The following RGS7 variants were observed in gnomAD, a reference collection of about 807,000 sequenced individuals.
RGS7 encodes the protein regulator of G-protein signaling 7.
Under a neutral mutation model 81.1 loss-of-function variants are expected in RGS7, and 27 were observed. The observed-to-expected ratio is 0.33, with a 90% CI of 0.25 to 0.46. The LOEUF (loss-of-function observed/expected upper bound fraction) is 0.46. Ranked by LOEUF, RGS7 falls within the 20% of genes least tolerant of loss-of-function variation. The pLI is 1.00. For missense variants in RGS7, 396 were observed against 607.4 expected (o/e 0.65, Z 3.66); for synonymous variants, 208 against 207.7 (o/e 1.00, Z -0.01).
At position 240,917,699 on chromosome 1, in the gene RGS7, A is replaced by G. The variant is rs1253988251; in HGVS notation, c.385+13018T>C. Among the ~76,000 whole-genome samples, 4 of 152,324 alleles carry G rather than the reference A, an allele frequency of 2.6e-5. No homozygotes were observed. The East Asian group carries it at 7.7e-4, about 29-fold the overall frequency. ...AGAGAAGGCAGAAAGAGACAGGAAG[A>G]CAAAAGGAAACTAATATAAAACAGT... On this transcript the variant is annotated intron_variant, in intron 6 of 18. Transcript: ENST00000440928.
At chr1:241,137,757 G>A (rs1345900830) in intron 2 of RGS7, among the ~76,000 whole-genome samples, 1 of 152,182 alleles carries the variant, frequency 6.6e-6, no homozygotes, top group Non-Finnish European at 1.5e-5. Context: ...AAAGCAACTG[G>A]CAAATACTAC....
intron 13 of RGS7, among the ~76,000 whole-genome samples, 161 bp from the exon 14 acceptor site, chr1:240,812,204 G>A (rs79567266): frequency 5.1e-4 from 78 of 151,976 alleles, no homozygotes; most frequent in East Asian, 3.3e-3. Flanking sequence ...TGAAATCATC[G>A]TGTACATTAG....
intron 4 of RGS7, among the ~76,000 whole-genome samples, chr1:240,975,412 C>CAAA (rs1354397691): frequency 2.0e-5 from 3 of 151,804 alleles, no homozygotes; most frequent in Non-Finnish European, 4.4e-5. Flanking sequence ...AACAAACAAA[C>CAAA]AAACAAACAA....
intron 2 of RGS7, among the ~76,000 whole-genome samples, chr1:241,106,716 CAAAAA>C (rs757488665): frequency 5.9e-5 from 2 of 34,048 alleles, no homozygotes; most frequent in South Asian, 1.1e-3. Context: ...ACTCCGTCTC[CAAAAA>C]AAAAAAAAAA....
chr1:240,812,761 A>G (rs1202591445), intron 13 of RGS7, among the ~76,000 whole-genome samples: 2 of 152,118 alleles, frequency 1.3e-5, no homozygotes, highest in African/African-American at 2.4e-5. Flanking sequence ...TACGCCACAC[A>G]GGGTCATGCA....
intron 3 of RGS7, chr1:240,998,610 A>G (rs1016566264): frequency 8.1e-6 from 7 of 868,302 alleles, no homozygotes; most frequent in African/African-American, 3.3e-5. Context: ...CAGCCCCTAC[A>G]TTGCAGAGGA....
intron 2 of RGS7, among the ~76,000 whole-genome samples, chr1:241,206,361 A>G (rs1327019173): frequency 6.6e-6 from 1 of 150,526 alleles, no homozygotes; most frequent in African/African-American, 2.5e-5. Context: ...AGTAGCTGGG[A>G]TTACAGGTGC....
intron 2 of RGS7, among the ~76,000 whole-genome samples, chr1:241,170,711 G>A (rs749504298): frequency 1.3e-4 from 20 of 152,182 alleles, no homozygotes; most frequent in Non-Finnish European, 2.4e-4. Flanking sequence ...AGTGCGGAAA[G>A]TGACTTGCTG....
chr1:240,938,167 T>C (rs2148382850), intron 4 of RGS7, among the ~76,000 whole-genome samples: 1 of 152,316 alleles, frequency 6.6e-6, no homozygotes, highest in Middle Eastern at 3.4e-3. Context: ...ACATCAAGGA[T>C]GCTCAAGTTC....
At chr1:240,929,685 C>T (rs550711444) in intron 6 of RGS7, among the ~76,000 whole-genome samples, 1 of 152,290 alleles carries the variant, frequency 6.6e-6, no homozygotes, top group Admixed American at 6.5e-5. Flanking sequence ...AAGCTTCTCA[C>T]TGCCTTTGTA....
intron 2 of RGS7, among the ~76,000 whole-genome samples, chr1:241,203,749 A>G (rs147616153): frequency 1.8e-4 from 27 of 152,306 alleles, no homozygotes; most frequent in African/African-American, 5.5e-4. Context: ...CCACAACTCA[A>G]TTTTTAAAAA....
chr1:241,311,595 A>C (rs1242223893), intron 2 of RGS7, among the ~76,000 whole-genome samples: 1 of 152,176 alleles, frequency 6.6e-6, no homozygotes, highest in East Asian at 1.9e-4. Context: ...CTGAACTGTG[A>C]GGTAGCTGGT....
At chr1:241,259,685 T>TATATATATATATATATATATATATAA (rs1302382859) in intron 2 of RGS7, among the ~76,000 whole-genome samples, 1 of 100,792 alleles carries the variant, frequency 9.9e-6, no homozygotes, top group African/African-American at 3.6e-5. Context: ...TATATATATA[T>TATATATATATATATATATATATATAA]AATTAAAATA....
intron 2 of RGS7, among the ~76,000 whole-genome samples, chr1:241,327,164 A>AC (rs1410313963): frequency 2.1e-5 from 3 of 145,290 alleles, no homozygotes; most frequent in Admixed American, 2.0e-4. Context: ...AGAAAGAAAG[A>AC]AACACACAGA....
chr1:241,199,401 T>C (rs1915875), intron 2 of RGS7, among the ~76,000 whole-genome samples: 35,019 of 151,500 alleles, frequency 0.23, 6,121 homozygotes, highest in African/African-American at 0.49. Flanking sequence ...TCCAGCCTGG[T>C]GACAGAGTGA....
intron 4 of RGS7, among the ~76,000 whole-genome samples, chr1:240,970,039 T>C (rs1682952503): frequency 6.6e-6 from 1 of 152,258 alleles, no homozygotes; most frequent in African/African-American, 2.4e-5. Flanking sequence ...GTTCAGCACA[T>C]AGTTGATGCT....
At chr1:241,001,597 T>G (rs1688148272) in intron 3 of RGS7, among the ~76,000 whole-genome samples, 1 of 152,102 alleles carries the variant, frequency 6.6e-6, no homozygotes, top group South Asian at 2.1e-4. Context: ...AAAACATCAT[T>G]GAGTTCTAAA....
chr1:240,868,867 C>A lies in RGS7; in HGVS notation c.451-15G>T, dbSNP rs1423970460. Reference sequence around the variant, plus strand: ...GCCAGGCTCTCCTGAAAAACATACCCCAGGTGAAGACATTTGGTGTTCATT... The same window carrying A: ...GCCAGGCTCTCCTGAAAAACATACCACAGGTGAAGACATTTGGTGTTCATT... On this transcript the variant is annotated splice_polypyrimidine_tract_variant and intron_variant, in intron 7 of 18. Transcript: ENST00000440928. This position sits in a 1 kb window ranked among gnomAD's most constrained non-coding sequence, Gnocchi z 5.1. 3 of 1,612,896 alleles carry A rather than the reference C, an allele frequency of 1.9e-6. No individual in the cohort carries two copies. The highest frequency in any genetic ancestry group is 2.5e-6 in the Non-Finnish European group (3 of 1,179,176).
At chr1:241,068,960 C>A (rs1001690644) in intron 3 of RGS7, among the ~76,000 whole-genome samples, 1 of 151,984 alleles carries the variant, frequency 6.6e-6, no homozygotes, top group African/African-American at 2.4e-5. Context: ...GTGTGTAGCA[C>A]CTCCCCCTCC....
Sources: gnomAD v4.1 joint callset for allele counts (sites outside exome capture counted in the v4.1 genomes callset) on GRCh38, gnomAD v4.1.1 for gene constraint, Gnocchi (gnomAD v3.1) non-coding constraint, MANE v1.5 for transcripts, NCBI Gene and HGNC (gene_info 2026-07-23, HGNC 2026-07-21) for gene names.